AGFG1: variants seen among roughly 807,000 people sequenced by gnomAD.
AGFG1 encodes ArfGAP with FG repeats 1, also known as arf-GAP domain and FG repeat-containing protein 1.
In AGFG1, 10 loss-of-function variants were observed where a neutral mutation model predicts 60.6. The ratio of observed to expected loss-of-function variants is 0.16; its 90% confidence interval spans 0.10 to 0.28. AGFG1 has a LOEUF of 0.28. AGFG1 is among the 10% of genes least tolerant of loss of function. AGFG1 has a pLI of 1.00. For synonymous variants in AGFG1, 247 were observed against 242.9 expected (o/e 1.02, Z -0.16); for missense variants, 537 against 676.5 (o/e 0.79, Z 2.29).
rs2106252269 is a variant in AGFG1 at position 227,558,513 on chromosome 2, T to A, written c.*4018T>A. 1 of 152,312 alleles carries A rather than the reference T, an allele frequency of 6.6e-6. No individual in the cohort carries two copies. The highest frequency in any genetic ancestry group is 6.5e-5 in the Admixed American group (1 of 15,298). 9.4% of individuals were successfully genotyped at this position (152,312 alleles called of 1,614,324 possible). A position where few individuals can be genotyped will look rare whatever the true frequency, so the allele number is the denominator to read the frequency against. On this transcript the variant is annotated 3_prime_UTR_variant, in exon 13 of 13. Transcript: ENST00000310078. ...TTGTAAAGCATTCCACCTTTATTGA[T>A]ACAGTTTGTGGCCTATACACTTTTA...
intron 10 of AGFG1, among the ~76,000 whole-genome samples, chr2:227,547,923 T>C (rs1692701895): frequency 6.6e-6 from 1 of 152,174 alleles, no homozygotes; most frequent in South Asian, 2.1e-4. Flanking sequence ...TTATCATCGC[T>C]AAGAAGTAGA....
At chr2:227,513,357 G>T (rs35511227) in intron 2 of AGFG1, among the ~76,000 whole-genome samples, 1 of 152,144 alleles carries the variant, frequency 6.6e-6, no homozygotes, top group Non-Finnish European at 1.5e-5. Context: ...TGGGCTTCTT[G>T]TCCCTGCTTT....
Position 227,554,546 on chromosome 2 carries a change from C to CCTG in AGFG1, c.*51_*52insCTG, listed in dbSNP as rs1575122622. The CCTG allele has an allele frequency of 7.1e-7, 1 of 1,405,032 alleles. No individual in the cohort carries two copies. 87.0% of individuals were successfully genotyped at this position (1,405,032 alleles called of 1,614,324 possible). A position where few individuals can be genotyped will look rare whatever the true frequency, so the allele number is the denominator to read the frequency against. On this transcript the variant is annotated 3_prime_UTR_variant, in exon 13 of 13. Coordinates refer to ENST00000310078, the MANE Select transcript of AGFG1 (RefSeq NM_004504.5). ...GAACTTTTATGTGGTCACATTACAT[C>CCTG]TCTCCACCTCTTGCACTGTTGTCTT...
rs550743296 is a variant in AGFG1, at chr2:227,547,203, C to G, written c.1379-4756C>G. 2.0e-5 allele frequency among the ~76,000 whole-genome samples: 3 copies of G among 152,204 alleles called. No individual in the cohort carries two copies. In the East Asian group the frequency reaches 5.8e-4, roughly 29 times the overall value. ...GCTCACTTCACTTGCCTAGCATACT[C>G]AGGAAGTGAGGATTAATACAAAAAA... On this transcript the variant is annotated intron_variant, in intron 10 of 12. Coordinates refer to ENST00000310078, the MANE Select transcript of AGFG1 (RefSeq NM_004504.5).
At chr2:227,515,615 T>C (rs1412948373) in intron 2 of AGFG1, among the ~76,000 whole-genome samples, 1 of 152,074 alleles carries the variant, frequency 6.6e-6, no homozygotes, top group African/African-American at 2.4e-5. Flanking sequence ...TTCTGCTTGA[T>C]TAAACCAATA....
intron 2 of AGFG1, among the ~76,000 whole-genome samples, chr2:227,506,381 A>G (rs1314240365): frequency 6.6e-6 from 1 of 151,974 alleles, no homozygotes; most frequent in Admixed American, 6.6e-5. Flanking sequence ...TGGATATGCA[A>G]GTTTTGTGGT....
intron 10 of AGFG1, among the ~76,000 whole-genome samples, chr2:227,546,947 A>G (rs975683076): frequency 1.3e-5 from 2 of 152,188 alleles, no homozygotes; most frequent in Admixed American, 6.5e-5. Context: ...TCTGGCCCTC[A>G]GATCTTTGTT....
chr2:227,494,576 T>G (rs1203298898), intron 2 of AGFG1, among the ~76,000 whole-genome samples: 1 of 152,220 alleles, frequency 6.6e-6, no homozygotes, highest in Non-Finnish European at 1.5e-5. Context: ...CATGTTTGGT[T>G]GTTGTCACTA....
In AGFG1 at chr2:227,559,532, T is replaced by C. The variant is rs941852506; in HGVS notation, c.*5037T>C. ...CATCTGTGCTTGTCCAACACAGGGC[T>C]GTAGGGACTGATGAAAAGAGAATGT... On this transcript the variant is annotated 3_prime_UTR_variant, in exon 13 of 13. Transcript: ENST00000310078. 2.0e-5 allele frequency: 3 copies of C among 152,190 alleles called. No individual in the cohort carries two copies. The highest frequency in any genetic ancestry group is 2.1e-4 in the South Asian group (1 of 4,830). 9.4% of individuals were successfully genotyped at this position (152,190 alleles called of 1,614,324 possible).
chr2:227,531,996 C>T, intron 6 of AGFG1: 1 of 577,966 alleles, frequency 1.7e-6, no homozygotes, highest in Non-Finnish European at 2.9e-6. Flanking sequence ...TTCGTAAACT[C>T]ATGGAACCCT....
chr2:227,534,317 A>C (rs1470499371), intron 7 of AGFG1, among the ~76,000 whole-genome samples: 1 of 152,144 alleles, frequency 6.6e-6, no homozygotes, highest in Non-Finnish European at 1.5e-5. Flanking sequence ...CTCCAAAATG[A>C]GGATAATTCT....
chr2:227,548,769 C>T (rs894739292), intron 10 of AGFG1, among the ~76,000 whole-genome samples: 5 of 152,102 alleles, frequency 3.3e-5, no homozygotes, highest in Non-Finnish European at 7.4e-5. Context: ...AACCCCGTCT[C>T]TACTAAAAAT....
chr2:227,528,084 T>C (rs72980850), intron 5 of AGFG1, among the ~76,000 whole-genome samples: 90 of 152,314 alleles, frequency 5.9e-4, no homozygotes, highest in Non-Finnish European at 1.2e-3. Flanking sequence ...ATATGCTGTT[T>C]GGGATAGTTT....
chr2:227,551,346 G>T (rs1317412389), intron 10 of AGFG1, among the ~76,000 whole-genome samples: 1 of 152,050 alleles, frequency 6.6e-6, no homozygotes, highest in African/African-American at 2.4e-5. Context: ...GTATGGAATT[G>T]ATTTAATAGG....
intron 2 of AGFG1, among the ~76,000 whole-genome samples, chr2:227,497,172 C>T (rs1055644542): frequency 4.0e-5 from 6 of 151,178 alleles, no homozygotes; most frequent in African/African-American, 1.5e-4. Flanking sequence ...TCTTCCCCCC[C>T]CACCCCACAC....
chr2:227,531,914 A>C (rs2106218828), intron 6 of AGFG1, among the ~76,000 whole-genome samples: 1 of 152,322 alleles, frequency 6.6e-6, no homozygotes, highest in South Asian at 2.1e-4. Context: ...ACTTCAGTCA[A>C]ACTTGGAAAT....
chr2:227,505,247 A>G (rs1691275215), intron 2 of AGFG1, among the ~76,000 whole-genome samples: 1 of 151,978 alleles, frequency 6.6e-6, no homozygotes, highest in Non-Finnish European at 1.5e-5. Flanking sequence ...GTTGTGAAAC[A>G]CTTTATTTTT....
rs1020753337 is a variant in AGFG1, at chr2:227,495,248, T to TA, written c.261+3617dup. On this transcript the variant is annotated intron_variant, in intron 2 of 12. Transcript: ENST00000310078. ...TTTCTTTTGTATCATACAGTTACTTTAAAAAAAAACCTGTAGTGATCTTGG... is the reference window on the plus strand; with the variant it reads ...TTTCTTTTGTATCATACAGTTACTTTAAAAAAAAAACCTGTAGTGATCTTGG... 1.0e-3 allele frequency among the ~76,000 whole-genome samples: 156 copies of TA among 151,576 alleles called. 1 individual carries two copies. The highest frequency in any genetic ancestry group is 1.8e-3 in the Non-Finnish European group (123 of 67,846).
intron 8 of AGFG1, among the ~76,000 whole-genome samples, chr2:227,535,347 A>G (rs906985148): frequency 6.6e-6 from 1 of 152,220 alleles, no homozygotes; most frequent in African/African-American, 2.4e-5. Flanking sequence ...GTCAAATAAT[A>G]TACTTTAAAA....
Sources: allele counts gnomAD v4.1 joint callset (sites outside exome capture counted in the v4.1 genomes callset), GRCh38; gene constraint gnomAD v4.1.1; transcripts MANE v1.5; gene names NCBI Gene and HGNC (gene_info 2026-07-23, HGNC 2026-07-21).